COL14A1: variants seen among roughly 807,000 people sequenced by gnomAD.
COL14A1 encodes the protein collagen type XIV alpha 1 chain, also known as collagen alpha-1(XIV) chain.
In COL14A1, 136 loss-of-function variants were observed where a neutral mutation model predicts 230.3. The ratio of observed to expected loss-of-function variants is 0.59; its 90% CI spans 0.51 to 0.68. The LOEUF is 0.68. Among genes scored for constraint, COL14A1 ranks in the 30% least tolerant of loss-of-function variants. The pLI is 0.00. For missense variants in COL14A1, 1,976 were observed against 2,215.8 expected (o/e 0.89, Z 2.17); for synonymous variants, 792 against 784.1 (o/e 1.01, Z -0.17).
intron 1 of COL14A1, among the ~76,000 whole-genome samples, chr8:120,137,645 G>A (rs536987629): frequency 6.6e-6 from 1 of 152,096 alleles, no homozygotes; most frequent in South Asian, 2.1e-4. Flanking sequence ...TTCACAAATT[G>A]TACCTTTATT....
At chr8:120,253,121 T>C (rs1435947502) in intron 22 of COL14A1, among the ~76,000 whole-genome samples, 1 of 152,176 alleles carries the variant, frequency 6.6e-6, no homozygotes, top group Non-Finnish European at 1.5e-5. Context: ...TCCTTAGTTA[T>C]ACCACAGCAT....
At chr8:120,179,925 A>G (rs1360597444) in intron 5 of COL14A1, among the ~76,000 whole-genome samples, 1 of 152,182 alleles carries the variant, frequency 6.6e-6, no homozygotes, top group Non-Finnish European at 1.5e-5. Context: ...ACTTTGACAA[A>G]CCTGACAAAA....
At chr8:120,217,684 G>A (rs1026755574) in intron 14 of COL14A1, among the ~76,000 whole-genome samples, 5 of 152,050 alleles carry the variant, frequency 3.3e-5, no homozygotes, top group Non-Finnish European at 5.9e-5. Flanking sequence ...ATCCTGAAGA[G>A]TCTGGTCATT....
chr8:120,339,032 T>G (rs892058030), intron 42 of COL14A1, among the ~76,000 whole-genome samples: 1 of 152,132 alleles, frequency 6.6e-6, no homozygotes, highest in Non-Finnish European at 1.5e-5. Context: ...CAAAAAAAAT[T>G]TTATGATGGA....
At chr8:120,359,606 G>A (rs548075782) in intron 45 of COL14A1, among the ~76,000 whole-genome samples, 4 of 152,182 alleles carry the variant, frequency 2.6e-5, no homozygotes, top group African/African-American at 9.6e-5. Context: ...TTTCTTAATA[G>A]CCAATAGTGG....
At chr8:120,321,723 C>A (rs1001739609) in intron 40 of COL14A1, among the ~76,000 whole-genome samples, 3 of 152,020 alleles carry the variant, frequency 2.0e-5, no homozygotes, top group Non-Finnish European at 4.4e-5. Flanking sequence ...TGCTTTGCAC[C>A]CTGGTTCTAA....
chr8:120,192,295 T>G (rs1816854315), intron 5 of COL14A1, among the ~76,000 whole-genome samples: 1 of 152,194 alleles, frequency 6.6e-6, no homozygotes, highest in Admixed American at 6.5e-5. Context: ...TATTTCTCCT[T>G]CACTTAGGAA....
intron 23 of COL14A1, among the ~76,000 whole-genome samples, chr8:120,259,915 C>T (rs1040603496): frequency 6.6e-6 from 1 of 152,074 alleles, no homozygotes; most frequent in African/African-American, 2.4e-5. Context: ...GGATTCAGAG[C>T]CTGGAAACCA....
chr8:120,306,100 C>A (rs1820851193), intron 36 of COL14A1, among the ~76,000 whole-genome samples: 1 of 152,158 alleles, frequency 6.6e-6, no homozygotes, highest in African/African-American at 2.4e-5. Context: ...TCCCATCCTT[C>A]CTGAAGGCAG....
chr8:120,165,527 C>T (rs754838729), intron 4 of COL14A1, among the ~76,000 whole-genome samples: 1 of 152,334 alleles, frequency 6.6e-6, no homozygotes, highest in Admixed American at 6.5e-5. Context: ...GATGAGCTTA[C>T]TTCACCACGT....
chr8:120,279,938 A>G lies in COL14A1; in HGVS notation c.3485A>G (p.Tyr1162Cys), dbSNP rs781570512. ...ATCTGTTCTCTGTCTGCCACAGGCTATAGCATTTTTGCAATTGGTGTGGCC... is the reference window on the plus strand; with the variant it reads ...ATCTGTTCTCTGTCTGCCACAGGCTGTAGCATTTTTGCAATTGGTGTGGCC... ...KISREMQLDGYSIFAIGVADA... is the reference protein window; with the variant it reads ...KISREMQLDGCSIFAIGVADA... The change falls in exon 29 of 48, where the codon TAT becomes TGT. Residue 1162 changes from tyrosine to cysteine, a missense_variant. Coordinates refer to ENST00000297848, the MANE Select transcript of COL14A1 (RefSeq NM_021110.4). 6.2e-7 allele frequency: 1 copy of G among 1,613,446 alleles called. No individual in the cohort carries two copies. The highest frequency in any genetic ancestry group is 8.5e-7 in the Non-Finnish European group (1 of 1,179,690).
At chr8:120,286,394 C>T (rs902566667) in intron 33 of COL14A1, among the ~76,000 whole-genome samples, 2 of 151,994 alleles carry the variant, frequency 1.3e-5, no homozygotes, top group Non-Finnish European at 2.9e-5. Flanking sequence ...CTGATTGCAC[C>T]AATACTTTTA....
chr8:120,358,487 T>TA (rs1199977064), intron 45 of COL14A1, among the ~76,000 whole-genome samples: 1 of 152,032 alleles, frequency 6.6e-6, no homozygotes. Context: ...TGAGCCCTGA[T>TA]AAAAACAAAA....
At chr8:120,226,852 T>C (rs1818112929) in intron 16 of COL14A1, 86 bp downstream of exon 16, 13 of 1,237,228 alleles carry the variant, frequency 1.1e-5, no homozygotes, top group Non-Finnish European at 1.4e-5. Context: ...CTTTAAAATA[T>C]ATTAGGAATC....
chr8:120,283,013 A>AATGACTTATACAG lies in COL14A1; in HGVS notation c.3825-623_3825-622insATGACTTATACAG, dbSNP rs1820086706. 2.0e-5 allele frequency among the ~76,000 whole-genome samples: 3 copies of AATGACTTATACAG among 152,252 alleles called. No individual in the cohort carries two copies. The East Asian group carries it at 5.8e-4, about 29-fold the overall frequency. On this transcript the variant is annotated intron_variant, in intron 31 of 47. Coordinates refer to ENST00000297848, the MANE Select transcript of COL14A1 (RefSeq NM_021110.4). ...AGGTCCTTATACTTCCTCAATGACCAGTCATTGAAAAGAGGTTTCCTAGTA... is the reference window on the plus strand; with the variant it reads ...AGGTCCTTATACTTCCTCAATGACCAATGACTTATACAGGTCATTGAAAAGAGGTTTCCTAGTA...
chr8:120,207,561 C>T (rs894399860), intron 10 of COL14A1, among the ~76,000 whole-genome samples: 1 of 152,158 alleles, frequency 6.6e-6, no homozygotes, highest in African/African-American at 2.4e-5. Context: ...ATGGAAAAGC[C>T]ATAATAAAGC....
chr8:120,261,609 C>G (rs529843250), intron 23 of COL14A1, among the ~76,000 whole-genome samples: 1 of 152,198 alleles, frequency 6.6e-6, no homozygotes, highest in East Asian at 1.9e-4. Context: ...AAGAAACGAG[C>G]CAATAGTTAG....
At chr8:120,212,937 C>G (rs994594218) in intron 13 of COL14A1, among the ~76,000 whole-genome samples, 2 of 152,066 alleles carry the variant, frequency 1.3e-5, no homozygotes, top group Admixed American at 1.3e-4. Flanking sequence ...GTGATTGATA[C>G]AACTTTTTTG....
intron 5 of COL14A1, among the ~76,000 whole-genome samples, chr8:120,175,078 A>G (rs1013635186): frequency 1.3e-5 from 2 of 152,230 alleles, no homozygotes; most frequent in African/African-American, 4.8e-5. Flanking sequence ...AATCAGACGT[A>G]TTATACATAT....
Sources: allele counts gnomAD v4.1 joint callset (sites outside exome capture counted in the v4.1 genomes callset), GRCh38; gene constraint gnomAD v4.1.1; transcripts MANE v1.5; gene names NCBI Gene and HGNC (gene_info 2026-07-23, HGNC 2026-07-21).